Variants in MAP2K2 observed in about 807,000 individuals in gnomAD.
MAP2K2 encodes the protein dual specificity mitogen-activated protein kinase kinase 2.
In MAP2K2, 24 loss-of-function variants were observed where a neutral mutation model predicts 43.7. That is an observed-to-expected ratio of 0.55 (90% CI 0.40 to 0.77). MAP2K2 has a LOEUF of 0.77. MAP2K2 is among the 30% of genes least tolerant of loss of function. MAP2K2 has a pLI of 0.00. For missense variants in MAP2K2, 470 were observed against 566.8 expected (o/e 0.83, Z 1.73); for synonymous variants, 244 against 239.7 (o/e 1.02, Z -0.17).
intron 1 of MAP2K2, 44 bp downstream of exon 1, chr19:4,123,740 T>C (rs2145089619): frequency 1.5e-6 from 2 of 1,319,872 alleles, no homozygotes; most frequent in Middle Eastern, 2.0e-4. Flanking sequence ...GAGGGCTCCC[T>C]GCCCCGTGCA....
chr19:4,095,099 C>T (rs1452583282), intron 9 of MAP2K2: 8 of 414,960 alleles, frequency 1.9e-5, no homozygotes, highest in Non-Finnish European at 3.1e-5. Flanking sequence ...GTCCGGGGAC[C>T]AGACAGAGGC....
intron 3 of MAP2K2, among the ~76,000 whole-genome samples, chr19:4,107,207 G>A (rs986579938): frequency 9.9e-5 from 15 of 151,958 alleles, no homozygotes; most frequent in African/African-American, 3.6e-4. Context: ...ATTAGCCTGG[G>A]AAACATAGTG....
chr19:4,123,599 C>CT (rs2041330397), intron 1 of MAP2K2, among the ~76,000 whole-genome samples, 185 bp downstream of exon 1: 5 of 138,860 alleles, frequency 3.6e-5, no homozygotes, highest in Non-Finnish European at 6.2e-5. Flanking sequence ...CCGTCCTCCC[C>CT]CGAGGGTCCC....
intron 1 of MAP2K2, among the ~76,000 whole-genome samples, chr19:4,119,988 C>T (rs1439705359): frequency 6.6e-6 from 1 of 152,274 alleles, no homozygotes; most frequent in African/African-American, 2.4e-5. Flanking sequence ...AAAGAGCTCG[C>T]TGGAAGGCAG....
intron 3 of MAP2K2, among the ~76,000 whole-genome samples, chr19:4,105,806 T>A (rs923395225): frequency 6.6e-6 from 1 of 152,060 alleles, no homozygotes; most frequent in African/African-American, 2.4e-5. Flanking sequence ...CCCAAGTAGC[T>A]GGGAGTACAG....
chr19:4,119,848 G>A (rs896630194), intron 1 of MAP2K2, among the ~76,000 whole-genome samples: 3 of 152,254 alleles, frequency 2.0e-5, no homozygotes, highest in South Asian at 2.1e-4. Context: ...GAATGAAGGC[G>A]TGGACTGCTC....
At chr19:4,102,836 G>C in intron 3 of MAP2K2, 1 of 1,199,090 alleles carries the variant, frequency 8.3e-7, no homozygotes. Flanking sequence ...TTGTCTGTGC[G>C]CCACGGGAGG....
At chr19:4,103,226 C>G in intron 3 of MAP2K2, 5 of 986,580 alleles carry the variant, frequency 5.1e-6, no homozygotes, top group Non-Finnish European at 6.0e-6. Context: ...GGAAACGAGT[C>G]ATCATGGGTA....
intron 8 of MAP2K2, among the ~76,000 whole-genome samples, chr19:4,097,066 C>T (rs1599284335): frequency 6.7e-6 from 1 of 150,084 alleles, no homozygotes; most frequent in Non-Finnish European, 1.5e-5. Flanking sequence ...TGGTGGTGCG[C>T]ACCTGTAATC....
At chr19:4,092,897 C>T (rs988852802) in intron 10 of MAP2K2, among the ~76,000 whole-genome samples, 2 of 151,992 alleles carry the variant, frequency 1.3e-5, no homozygotes, top group Non-Finnish European at 2.9e-5. Flanking sequence ...TTAGCAAGAC[C>T]CTGTCTCTAT....
Position 4,115,659 on chromosome 19 carries a change from A to C in MAP2K2, c.303+1760T>G, listed in dbSNP as rs1000680437. 6.6e-6 allele frequency among the ~76,000 whole-genome samples: 1 copy of C among 152,186 alleles called. No individual in the cohort carries two copies. Among genetic ancestry groups the C allele is most frequent in the Non-Finnish European group, 1.5e-5 (1 of 68,022 alleles). On this transcript the variant is annotated intron_variant, in intron 2 of 10. Transcript: ENST00000262948. The surrounding 1 kb of genome is among the most constrained non-coding windows in gnomAD (Gnocchi z 4.1). ...GGGAGGGCAGCACTCTAGAGGCCAGAAGACAGAGCTGCAGAGCTAAATCCC... is the reference window on the plus strand; with the variant it reads ...GGGAGGGCAGCACTCTAGAGGCCAGCAGACAGAGCTGCAGAGCTAAATCCC...
rs1229907393 is a variant in MAP2K2, at chr19:4,102,874, G to A, written c.451-421C>T. On this transcript the variant is annotated intron_variant, in intron 3 of 10. Transcript: ENST00000262948. ...GCCAGGCTGGAGACCAGCGTCTTGG[G>A]CCTGCGTCCTCTTCCCAGCACACGA... 9 of 1,177,844 alleles carry A rather than the reference G, an allele frequency of 7.6e-6. No individual in the cohort carries two copies. The East Asian group carries it at 4.1e-4, about 53-fold the overall frequency. 73.0% of individuals were successfully genotyped at this position (1,177,844 alleles called of 1,614,324 possible).
chr19:4,099,128 G>A, intron 7 of MAP2K2, 73 bp downstream of exon 7: 1 of 1,335,306 alleles, frequency 7.5e-7, no homozygotes, highest in Non-Finnish European at 1.0e-6. Context: ...GGAGGCAGCT[G>A]CTGACCCTGG....
intron 3 of MAP2K2, among the ~76,000 whole-genome samples, chr19:4,109,379 G>T (rs1044166220): frequency 2.2e-4 from 34 of 152,140 alleles, no homozygotes; most frequent in Admixed American, 2.2e-3. Flanking sequence ...GGAGGCACAG[G>T]CCTGCCTTGA....
intron 1 of MAP2K2, among the ~76,000 whole-genome samples, chr19:4,120,433 C>T (rs1023970434): frequency 1.3e-5 from 2 of 152,258 alleles, no homozygotes; most frequent in African/African-American, 4.8e-5. Flanking sequence ...CCTGCCTCAG[C>T]CTCCTGAGTA....
intron 9 of MAP2K2, chr19:4,094,981 C>T (rs1010609166): frequency 2.3e-5 from 8 of 348,218 alleles, no homozygotes; most frequent in Non-Finnish European, 3.8e-5. Flanking sequence ...GTGAAGCCCA[C>T]GCCACAGGTG....
chr19:4,102,359 G>A lies in MAP2K2; in HGVS notation c.528+17C>T, dbSNP rs772831774. 1 of 1,581,750 alleles carries A rather than the reference G, an allele frequency of 6.3e-7. No homozygotes were observed. The highest frequency in any genetic ancestry group is 8.6e-7 in the Non-Finnish European group (1 of 1,164,560). On this transcript the variant is annotated intron_variant, in intron 4 of 10. Transcript: ENST00000262948. ...AGAGTGCGGTGGGGGCGCGATGTGG[G>A]TCTGCGGTGGACTCACCGCGATGCT...
chr19:4,121,092 G>C (rs2041286967), intron 1 of MAP2K2, among the ~76,000 whole-genome samples: 1 of 151,428 alleles, frequency 6.6e-6, no homozygotes, highest in Non-Finnish European at 1.5e-5. Flanking sequence ...TGCAGAACGG[G>C]AGTGCAGAGA....
intron 10 of MAP2K2, among the ~76,000 whole-genome samples, chr19:4,093,716 G>GC (rs1176075193): frequency 3.3e-5 from 5 of 152,070 alleles, no homozygotes; most frequent in Non-Finnish European, 5.9e-5. Flanking sequence ...AAAACTGAAA[G>GC]CCACATTCCA....
Sources: allele counts gnomAD v4.1 joint callset (sites outside exome capture counted in the v4.1 genomes callset), GRCh38; gene constraint gnomAD v4.1.1; non-coding constraint Gnocchi (gnomAD v3.1); transcripts MANE v1.5; gene names NCBI Gene and HGNC (gene_info 2026-07-23, HGNC 2026-07-21).